The following TF variants were observed in gnomAD, a reference collection of about 807,000 sequenced individuals.
The protein encoded by TF is serotransferrin.
Under a neutral mutation model 82.4 loss-of-function variants are expected in TF, and 55 were observed. That is an observed-to-expected ratio of 0.67 (90% confidence interval 0.54 to 0.84). The LOEUF (loss-of-function observed/expected upper bound fraction) is 0.84, where lower values mean the gene tolerates loss of function less well. Among genes scored for constraint, TF ranks in the 40% least tolerant of loss-of-function variants. The pLI is 0.00. For missense variants in TF, 737 were observed against 868.4 expected (o/e 0.85, Z 1.90); for synonymous variants, 332 against 332.6 (o/e 1.00, Z 0.02).
At chr3:133,725,860 G>T in the TF span, among the ~76,000 whole-genome samples, 1 of 152,140 alleles carries the variant, frequency 6.6e-6, no homozygotes, top group Admixed American at 6.5e-5. Context: ...AGAGTTTTTA[G>T]CATGAAGGGT....
chr3:133,746,594 G>A, intron 1 of TF, 111 bp downstream of exon 1: 3 of 1,259,580 alleles, frequency 2.4e-6, no homozygotes, highest in South Asian at 2.6e-5. Context: ...TGGAAGCCTG[G>A]GTGTCTGGGT....
At chr3:133,707,189 G>GAC in the TF span, among the ~76,000 whole-genome samples, 1 of 46,266 alleles carries the variant, frequency 2.2e-5, no homozygotes, top group African/African-American at 9.5e-5. Flanking sequence ...TAACCTCAGA[G>GAC]TCACACACAC....
At chr3:133,684,666 T>C in the TF span, among the ~76,000 whole-genome samples, 1 of 152,126 alleles carries the variant, frequency 6.6e-6, no homozygotes. Context: ...AGAAGTTGAA[T>C]CCCTGAATAG....
the TF span, among the ~76,000 whole-genome samples, chr3:133,685,017 G>T: frequency 6.6e-6 from 1 of 152,102 alleles, no homozygotes; most frequent in Non-Finnish European, 1.5e-5. Context: ...GGATCAGGTG[G>T]GCTTCATCCC....
At chr3:133,764,137 G>C in intron 9 of TF, 45 bp from the exon 10 acceptor site, 1 of 1,563,736 alleles carries the variant, frequency 6.4e-7, no homozygotes, top group Non-Finnish European at 8.8e-7. Context: ...GGTGGCACAG[G>C]AAACAGCCTC....
chr3:133,743,034 C>A (rs562210197), upstream of TF, among the ~76,000 whole-genome samples: 1 of 152,250 alleles, frequency 6.6e-6, no homozygotes, highest in African/African-American at 2.4e-5. Context: ...CCCTCCCTCT[C>A]TTTCCTCCCC....
rs1559886884 is a variant in TF at position 133,796,027 on chromosome 3, G to A, written c.*17407G>A. The A allele has an allele frequency of 6.6e-6, 1 of 152,332 alleles. No individual in the cohort carries two copies. Among genetic ancestry groups the A allele is most frequent in the African/African-American group, 2.4e-5 (1 of 41,400 alleles). The allele number at this position is 152,332 out of a possible 1,614,324, so 9.4% of individuals were successfully genotyped here. A position where few individuals can be genotyped will look rare whatever the true frequency, so the allele number is the denominator to read the frequency against. On this transcript the variant is annotated 3_prime_UTR_variant, in exon 17 of 17. Transcript: ENST00000402696. ...ACATAGATCCTAGAACAGACCACAG[G>A]CCAGGTTTTGTTTTTCTCCTACAAA...
At chr3:133,724,104 C>T in the TF span, among the ~76,000 whole-genome samples, 7 of 152,150 alleles carry the variant, frequency 4.6e-5, no homozygotes, top group Non-Finnish European at 8.8e-5. Context: ...TAAATAGTGC[C>T]GCAATAAATA....
the TF span, among the ~76,000 whole-genome samples, chr3:133,738,562 C>G: frequency 7.0e-6 from 1 of 143,714 alleles, no homozygotes; most frequent in Admixed American, 7.0e-5. Flanking sequence ...ATTCCGAAAA[C>G]CCCATCGTCT....
the TF span, among the ~76,000 whole-genome samples, chr3:133,697,936 T>G: frequency 2.5e-4 from 38 of 152,252 alleles, no homozygotes; most frequent in African/African-American, 7.9e-4. Flanking sequence ...GCATAAGCAA[T>G]AGGGCAGCAG....
In TF at chr3:133,791,569, G is replaced by A. The variant is rs13324779; in HGVS notation, c.*12949G>A. The A allele has an allele frequency of 0.34, 51,352 of 152,044 alleles. 8,822 individuals are homozygous for A. The highest frequency in any genetic ancestry group is 0.38 in the Middle Eastern group (112 of 294). 9.4% of individuals were successfully genotyped at this position (152,044 alleles called of 1,614,324 possible). A position where few individuals can be genotyped will look rare whatever the true frequency, so the allele number is the denominator to read the frequency against. ...AATATAAAAAAAGAATTCTGAGGCC[G>A]ATCTTAAGCTGTAGTGAATCTGGTG... is the stretch of plus-strand genomic sequence containing the variant. On this transcript the variant is annotated 3_prime_UTR_variant, in exon 17 of 17. Transcript: ENST00000402696.
intron 5 of TF, 78 bp from the exon 6 acceptor site, chr3:133,756,204 A>T: frequency 7.0e-7 from 1 of 1,420,126 alleles, no homozygotes; most frequent in Non-Finnish European, 9.9e-7. Context: ...TGAGTGCTGG[A>T]CAGTGTGATC....
chr3:133,725,683 C>A, the TF span, among the ~76,000 whole-genome samples: 2 of 151,866 alleles, frequency 1.3e-5, no homozygotes, highest in Non-Finnish European at 2.9e-5. Context: ...GCCAGAACTT[C>A]CAACACTATG....
At chr3:133,707,308 AC>A in the TF span, among the ~76,000 whole-genome samples, 1 of 152,132 alleles carries the variant, frequency 6.6e-6, no homozygotes, top group Non-Finnish European at 1.5e-5. Context: ...GCATTTGGCT[AC>A]CAGACTGGTG....
Position 133,757,909 on chromosome 3 carries a change from G to C in TF, c.1011G>C (p.Glu337Asp). Residue 337 changes from glutamate (E) to aspartate (D), a missense_variant, in exon 8 of 17, where the codon GAG becomes GAC. Glu to Asp is a conservative substitution (Grantham distance 45). Coordinates refer to ENST00000402696, the MANE Select transcript of TF (RefSeq NM_001063.4). Reference protein sequence around the residue: ...RMDAKMYLGYEYVTAIRNLRE... With the variant: ...RMDAKMYLGYDYVTAIRNLRE... ...ATGCCAAGATGTACCTGGGCTATGA[G>C]TATGTCACTGCCATCCGGAATCTAC... is the stretch of plus-strand genomic sequence containing the variant. 6.2e-7 allele frequency: 1 copy of C among 1,614,242 alleles called. No individual in the cohort carries two copies. The highest frequency in any genetic ancestry group is 8.5e-7 in the Non-Finnish European group (1 of 1,180,050).
the TF span, among the ~76,000 whole-genome samples, chr3:133,677,793 C>T: frequency 0.011 from 1,670 of 151,944 alleles, 40 homozygotes; most frequent in African/African-American, 0.037. Context: ...AAGCGATCCT[C>T]CTATCTCACC....
chr3:133,751,647 TA>T (rs1933671262), intron 2 of TF, among the ~76,000 whole-genome samples: 1 of 152,184 alleles, frequency 6.6e-6, no homozygotes, highest in Non-Finnish European at 1.5e-5. Context: ...GTGATGGCTA[TA>T]AAACAACGTG....
At chr3:133,723,518 C>T in the TF span, among the ~76,000 whole-genome samples, 7 of 147,410 alleles carry the variant, frequency 4.7e-5, no homozygotes, top group Non-Finnish European at 3.0e-5. Context: ...TTTAAAATAA[C>T]TATCTTCAAG....
chr3:133,688,802 G>A, the TF span, among the ~76,000 whole-genome samples: 1 of 152,086 alleles, frequency 6.6e-6, no homozygotes, highest in African/African-American at 2.4e-5. Context: ...ATTTTCAGAT[G>A]GTGGAATGCC....
Sources: gnomAD v4.1 joint callset for allele counts (sites outside exome capture counted in the v4.1 genomes callset) on GRCh38, gnomAD v4.1.1 for gene constraint, MANE v1.5 for transcripts, NCBI Gene and HGNC (gene_info 2026-07-23, HGNC 2026-07-21) for gene names.